The following SPATA6L variants were observed in gnomAD, a reference collection of about 807,000 sequenced individuals.
SPATA6L encodes the protein spermatogenesis associated 6 like.
In SPATA6L, 68 loss-of-function variants were observed where a neutral mutation model predicts 49.2. That is an observed-to-expected ratio of 1.38 (90% CI 1.14 to 1.69). The LOEUF is 1.69. SPATA6L is among the 40% of genes most tolerant of loss of function. SPATA6L has a pLI of 0.00. For synonymous variants in SPATA6L, 198 were observed against 165.7 expected, an observed-to-expected ratio of 1.19 and a Z score of -1.50; for missense variants, 668 against 464.3, an observed-to-expected ratio of 1.44 and a Z score of -4.03.
At chr9:4,665,314 T>C (rs1587594698) in intron 1 of SPATA6L, 1 of 155,572 alleles carries the variant, frequency 6.4e-6, no homozygotes, top group South Asian at 2.1e-4. Context: ...GAGACAGATT[T>C]ATCACTTAGC....
At chr9:4,656,826 G>C (rs143659299) in intron 2 of SPATA6L, among the ~76,000 whole-genome samples, 185 of 152,320 alleles carry the variant, frequency 1.2e-3, no homozygotes, top group African/African-American at 4.3e-3. Context: ...CTCATTAAAT[G>C]TTAACTGAAT....
At chr9:4,595,865 A>C (rs917846801), downstream of SPATA6L, among the ~76,000 whole-genome samples, 1 of 152,204 alleles carries the variant, frequency 6.6e-6, no homozygotes, top group African/African-American at 2.4e-5. Flanking sequence ...TATACTACTA[A>C]ACAGGAGTCA....
At chr9:4,598,285 G>C (rs1362574741), downstream of SPATA6L, among the ~76,000 whole-genome samples, 1 of 152,078 alleles carries the variant, frequency 6.6e-6, no homozygotes, top group Non-Finnish European at 1.5e-5. Flanking sequence ...ATCAAGAAAG[G>C]AATTATAAAC....
intron 1 of SPATA6L, 54 bp downstream of exon 1, chr9:4,666,158 G>A (rs755714358): frequency 1.3e-6 from 2 of 1,581,570 alleles, no homozygotes; most frequent in Non-Finnish European, 1.7e-6. Context: ...AACCACCTGA[G>A]ACTATTTAGA....
intron 9 of SPATA6L, among the ~76,000 whole-genome samples, chr9:4,609,954 G>T (rs1200031318): frequency 6.6e-6 from 1 of 151,876 alleles, no homozygotes; most frequent in South Asian, 2.1e-4. Flanking sequence ...AAAGTCTCAG[G>T]ATACAAAATC....
Position 4,662,201 on chromosome 9 carries a change from C to T in SPATA6L, c.40-165G>A. 2 of 1,437,724 alleles carry T rather than the reference C, an allele frequency of 1.4e-6. No individual in the cohort carries two copies. Among genetic ancestry groups the T allele is most frequent in the Non-Finnish European group, 1.8e-6 (2 of 1,100,408 alleles). 89.1% of individuals were successfully genotyped at this position (1,437,724 alleles called of 1,614,324 possible). A position where few individuals can be genotyped will look rare whatever the true frequency, so the allele number is the denominator to read the frequency against. ...ACGCCAACATCCTCCCCTCTGCTCTCCTCACATTGGAAATTCCAACTCCCT... is the reference window on the plus strand; with the variant it reads ...ACGCCAACATCCTCCCCTCTGCTCTTCTCACATTGGAAATTCCAACTCCCT... On this transcript the variant is annotated intron_variant, in intron 1 of 11. Coordinates refer to ENST00000682582, the MANE Select transcript of SPATA6L (RefSeq NM_001353486.2). This position sits in a 1 kb window ranked among gnomAD's most constrained non-coding sequence, Gnocchi z 4.9.
intron 3 of SPATA6L, among the ~76,000 whole-genome samples, chr9:4,645,275 A>G (rs1330708878): frequency 6.6e-6 from 1 of 152,232 alleles, no homozygotes; most frequent in East Asian, 1.9e-4. Context: ...AATATTCAAA[A>G]CAGCATTATT....
chr9:4,620,826 C>T (rs1470149826), intron 7 of SPATA6L, among the ~76,000 whole-genome samples: 2 of 152,292 alleles, frequency 1.3e-5, no homozygotes, highest in Admixed American at 6.5e-5. Context: ...ACTTGTCCTC[C>T]CCAGGAAAGG....
At chr9:4,591,586 C>T (rs907517410) in intron 13 of SPATA6L, among the ~76,000 whole-genome samples, 1 of 152,196 alleles carries the variant, frequency 6.6e-6, no homozygotes, top group Non-Finnish European at 1.5e-5. Context: ...TTGGCTTTAC[C>T]TCTCAGGTAC....
At chr9:4,622,762 C>G (rs1829620033) in intron 6 of SPATA6L, among the ~76,000 whole-genome samples, 1 of 152,172 alleles carries the variant, frequency 6.6e-6, no homozygotes, top group Non-Finnish European at 1.5e-5. Flanking sequence ...AAGTTAGACA[C>G]AAATTATATT....
intron 3 of SPATA6L, among the ~76,000 whole-genome samples, chr9:4,647,159 G>C (rs1173092054): frequency 6.6e-6 from 1 of 151,570 alleles, no homozygotes; most frequent in Non-Finnish European, 1.5e-5. Context: ...ATAAATAAGT[G>C]TATACATACA....
chr9:4,627,721 C>T (rs1435579996), intron 5 of SPATA6L: 1 of 1,288,304 alleles, frequency 7.8e-7, no homozygotes, highest in Non-Finnish European at 1.0e-6. Context: ...TGAGGTAGTA[C>T]ACATGGATGC....
chr9:4,606,211 G>T (rs62543888), intron 9 of SPATA6L, among the ~76,000 whole-genome samples: 1 of 149,400 alleles, frequency 6.7e-6, no homozygotes, highest in Non-Finnish European at 1.5e-5. Flanking sequence ...AGGCGGCAGC[G>T]AGGCTGGGGG....
chr9:4,658,343 T>C (rs1032958066), intron 2 of SPATA6L, among the ~76,000 whole-genome samples: 1 of 152,218 alleles, frequency 6.6e-6, no homozygotes, highest in African/African-American at 2.4e-5. Flanking sequence ...AATTCCATTT[T>C]GAATTACACA....
rs528367258 is a variant in SPATA6L, at chr9:4,599,913, C to T, written c.*898G>A. On this transcript the variant is annotated 3_prime_UTR_variant, in exon 12 of 12. Transcript: ENST00000682582. ...AGGGAAATAAGTTTCCATTTTCAGG[C>T]CCCTCTTCTCTGGGTCTGTATCAAT... Among the ~76,000 whole-genome samples, 7 of 152,234 alleles carry T rather than the reference C, an allele frequency of 4.6e-5. No individual in the cohort carries two copies. The highest frequency in any genetic ancestry group is 1.7e-4 in the African/African-American group (7 of 41,550).
At chr9:4,611,341 A>G (rs36184013) in intron 9 of SPATA6L, among the ~76,000 whole-genome samples, 1 of 148,706 alleles carries the variant, frequency 6.7e-6, no homozygotes, top group Non-Finnish European at 1.5e-5. Flanking sequence ...ATAAAGACAC[A>G]TGCACACCTA....
chr9:4,594,764 C>T (rs1477796164), downstream of SPATA6L, among the ~76,000 whole-genome samples: 1 of 152,150 alleles, frequency 6.6e-6, no homozygotes, highest in Non-Finnish European at 1.5e-5. Flanking sequence ...TGTACTCCTG[C>T]ATTTTCTCTT....
intron 4 of SPATA6L, among the ~76,000 whole-genome samples, chr9:4,634,447 T>C (rs770550591): frequency 6.6e-6 from 1 of 152,214 alleles, no homozygotes; most frequent in Non-Finnish European, 1.5e-5. Context: ...GAATGCTTGC[T>C]GTTTGATGTA....
At chr9:4,618,338 T>G (rs1412146156) in intron 8 of SPATA6L, among the ~76,000 whole-genome samples, 1 of 152,082 alleles carries the variant, frequency 6.6e-6, no homozygotes, top group Non-Finnish European at 1.5e-5. Context: ...TTGGGATATA[T>G]TAAAAAACCA....
Sources: gnomAD v4.1 joint callset for allele counts (sites outside exome capture counted in the v4.1 genomes callset) on GRCh38, gnomAD v4.1.1 for gene constraint, Gnocchi (gnomAD v3.1) non-coding constraint, MANE v1.5 for transcripts, NCBI Gene and HGNC (gene_info 2026-07-23, HGNC 2026-07-21) for gene names.